The following WHAMM variants were observed in gnomAD, a reference collection of about 807,000 sequenced individuals.
WHAMM encodes WASP homolog associated with actin, golgi membranes and microtubules.
WHAMM carries 67 observed loss-of-function variants against 76.5 expected under a neutral mutation model. That is an observed-to-expected ratio of 0.88 (90% CI 0.72 to 1.07). The LOEUF (loss-of-function observed/expected upper bound fraction) is 1.07. WHAMM is among the 50% of genes least tolerant of loss of function. The pLI is 0.00. For synonymous variants in WHAMM, 419 were observed against 422.1 expected (o/e 0.99, Z 0.09); for missense variants, 1,021 against 1,051.1 (o/e 0.97, Z 0.40).
At chr15:82,823,351 A>C (rs1764985902) in intron 6 of WHAMM, 64 bp downstream of exon 6, 2 of 1,278,838 alleles carry the variant, frequency 1.6e-6, no homozygotes, top group Non-Finnish European at 2.0e-6. Flanking sequence ...TGTATGAAGG[A>C]TAAAGGTATT....
chr15:82,823,305 G>T lies in WHAMM; in HGVS notation c.1458+18G>T. ...GTAGAAAGGTAGGTACGCTCAGAGC[G>T]GCTTTCTTTTCTTTTCTCTTTCAGA... On this transcript the variant is annotated intron_variant, in intron 6 of 9. Transcript: ENST00000286760. The T allele has an allele frequency of 7.2e-7, 1 of 1,391,620 alleles. No individual in the cohort carries two copies. Among genetic ancestry groups the T allele is most frequent in the South Asian group, 2.0e-5 (1 of 50,062 alleles). The allele number at this position is 1,391,620 out of a possible 1,614,324, so 86.2% of individuals were successfully genotyped here.
Position 82,833,263 on chromosome 15 carries a change from T to C in WHAMM, c.2157T>C (p.His719=), listed in dbSNP as rs1352681286. 1.2e-6 allele frequency: 2 copies of C among 1,613,874 alleles called. No homozygotes were observed. Among genetic ancestry groups the C allele is most frequent in the African/African-American group, 2.7e-5 (2 of 74,934 alleles). ...SMDEVLASLR[H]GRAPLRKVEV... is the part of the protein sequence containing the mutation. ...ATGAAGTGTTGGCCTCCTTAAGGCA[T>C]GGCAGAGCTCCTCTCCGGAAGGTGG... is the stretch of plus-strand genomic sequence containing the variant. The change falls in exon 10 of 10, where the codon CAT becomes CAC. Residue 719 remains histidine (H), a synonymous_variant. Transcript: ENST00000286760.
rs1412316647 is a variant in WHAMM at position 82,818,088 on chromosome 15, A to G, written c.1103A>G (p.Lys368Arg). ...LNHKRAEIQGKMEDLPEQEKN... is the reference protein window; with the variant it reads ...LNHKRAEIQGRMEDLPEQEKN... ...CACAAAAGAGCTGAAATTCAGGGAA[A>G]GGTAAGACAAAGATAAACATAACTT... Residue 368 changes from lysine to arginine, a missense_variant and splice_region_variant, in exon 4 of 10, where the codon AAG becomes AGG. Lys to Arg is a conservative substitution (Grantham distance 26). Transcript: ENST00000286760. The G allele has an allele frequency of 9.7e-6, 15 of 1,541,754 alleles. No homozygotes were observed. Among genetic ancestry groups the G allele is most frequent in the Non-Finnish European group, 1.3e-5 (15 of 1,142,550 alleles).
Position 82,815,155 on chromosome 15 carries a change from A to ATATATAAATAAT in WHAMM, c.784-1537_784-1536insTATATAAATAAT, listed in dbSNP as rs55807384. Among the ~76,000 whole-genome samples, 42 of 46,134 alleles carry ATATATAAATAAT rather than the reference A, an allele frequency of 9.1e-4. 2 individuals carry two copies. The highest frequency in any genetic ancestry group is 3.5e-3 in the African/African-American group (39 of 10,996). The allele number at this position is 46,134 out of a possible 152,430, so 30.3% of individuals were successfully genotyped here. Reference sequence around the variant, plus strand: ...TATATATATATATATATATATATATAGTACAATTCAGTGATTTTTAGTATA... The same window carrying ATATATAAATAAT: ...TATATATATATATATATATATATATATATATAAATAATGTACAATTCAGTGATTTTTAGTATA... On this transcript the variant is annotated intron_variant, in intron 2 of 9. Transcript: ENST00000286760.
intron 1 of WHAMM, among the ~76,000 whole-genome samples, chr15:82,812,430 G>GT (rs891854992): frequency 2.0e-5 from 3 of 151,860 alleles, no homozygotes; most frequent in Admixed American, 6.6e-5. Context: ...GGGTTTCACC[G>GT]TGTTAGCCAG....
At chr15:82,817,080 G>A (rs1373270551) in intron 3 of WHAMM, among the ~76,000 whole-genome samples, 13 of 152,216 alleles carry the variant, frequency 8.5e-5, no homozygotes, top group Admixed American at 8.5e-4. Flanking sequence ...AGAGACATGG[G>A]CTCTGAGGGT....
chr15:82,825,129 A>T (rs1476506794), intron 6 of WHAMM, among the ~76,000 whole-genome samples: 1 of 152,192 alleles, frequency 6.6e-6, no homozygotes, highest in African/African-American at 2.4e-5. Context: ...TGTCTCTAAT[A>T]AAAAAATAAA....
At position 82,810,206 on chromosome 15, in the gene WHAMM, C is replaced by T; in HGVS notation, c.480C>T (p.Cys160=). ...ATCTGGGCGCGGCGGCCGACGGCTG[C>T]GGCGGCGCCACAGTGCGCGACGCAC... ...ERYLGAAADG[C]GGATVRDALF... Residue 160 remains cysteine, a synonymous_variant, in exon 1 of 10, where the codon TGC becomes TGT. Coordinates refer to ENST00000286760, the MANE Select transcript of WHAMM (RefSeq NM_001080435.3). The T allele has an allele frequency of 7.1e-7, 1 of 1,409,188 alleles. No homozygotes were observed. Among genetic ancestry groups the T allele is most frequent in the Non-Finnish European group, 9.3e-7 (1 of 1,078,884 alleles). The allele number at this position is 1,409,188 out of a possible 1,614,324, so 87.3% of individuals were successfully genotyped here.
In WHAMM at chr15:82,810,127, G is replaced by T; in HGVS notation, c.401G>T (p.Arg134Leu). The T allele has an allele frequency of 7.4e-7, 1 of 1,351,378 alleles. No individual in the cohort carries two copies. The highest frequency in any genetic ancestry group is 9.6e-7 in the Non-Finnish European group (1 of 1,045,222). 83.7% of individuals were successfully genotyped at this position (1,351,378 alleles called of 1,614,324 possible). The change falls in exon 1 of 10, where the codon CGC becomes CTC. Residue 134 changes from arginine (R) to leucine (L), a missense_variant. Physicochemically the swap from Arg to Leu is moderately radical, Grantham distance 102. Around this residue, in one of 3 missense-constraint regions of WHAMM, gnomAD observed 501 missense variants for 524.9 expected, o/e 0.95. Transcript: ENST00000286760. ...CTGTGGGCGCTGCTGTGGCCGACGC[G>T]CGCGGGTCCCGGCGAGGCGGCGCTG... is the stretch of plus-strand genomic sequence containing the variant. ...LGLWALLWPT[R>L]AGPGEAALQE...
At position 82,835,499 on chromosome 15, in the gene WHAMM, C is replaced by CT. The variant is rs2151579216; in HGVS notation, c.*1966dup. On this transcript the variant is annotated 3_prime_UTR_variant, in exon 10 of 10. Transcript: ENST00000286760. The stretch of plus-strand genomic sequence containing the variant: ...GCACAGCTGGGAGGGGCGTGAGTCC[C>CT]TTTCAGCAGCTGCAGCCTGGGTCTC... 6.6e-6 allele frequency: 1 copy of CT among 152,572 alleles called. No homozygotes were observed. Among genetic ancestry groups the CT allele is most frequent in the East Asian group, 1.9e-4 (1 of 5,204 alleles). The allele number at this position is 152,572 out of a possible 1,614,324, so 9.5% of individuals were successfully genotyped here.
chr15:82,820,656 A>C (rs1343902856), intron 5 of WHAMM, among the ~76,000 whole-genome samples: 1 of 152,056 alleles, frequency 6.6e-6, no homozygotes, highest in Non-Finnish European at 1.5e-5. Flanking sequence ...GCACTTTGGG[A>C]GGCTGAGTGG....
At position 82,833,423 on chromosome 15, in the gene WHAMM, C is replaced by T. The variant is rs200546799; in HGVS notation, c.2317C>T (p.Arg773Cys). 3.1e-4 allele frequency: 503 copies of T among 1,614,006 alleles called. 2 individuals are homozygous for T. The highest frequency in any genetic ancestry group is 1.1e-4 in the Non-Finnish European group (131 of 1,179,892). Residue 773 changes from arginine (R) to cysteine (C), a missense_variant, in exon 10 of 10, where the codon CGC becomes TGC. Coordinates refer to ENST00000286760, the MANE Select transcript of WHAMM (RefSeq NM_001080435.3). ...NPSSKPTSNR[R>C]TSDLERSIKA... The stretch of plus-strand genomic sequence containing the variant: ...CAGCAGCAAACCAACCAGCAACAGA[C>T]GCACCAGTGACCTTGAGAGGAGCAT...
At chr15:82,829,632 T>C (rs2050994241) in intron 8 of WHAMM, among the ~76,000 whole-genome samples, 1 of 152,090 alleles carries the variant, frequency 6.6e-6, no homozygotes, top group African/African-American at 2.4e-5. Flanking sequence ...ATAGAAATAC[T>C]CCTTGAGTTT....
chr15:82,829,297 C>T (rs1162367634), intron 8 of WHAMM, among the ~76,000 whole-genome samples: 2 of 152,082 alleles, frequency 1.3e-5, no homozygotes, highest in Non-Finnish European at 2.9e-5. Flanking sequence ...AAAGTGAGAC[C>T]CCGTCTCTAC....
At chr15:82,814,766 CTTTTTTTTT>C (rs773443880) in intron 2 of WHAMM, among the ~76,000 whole-genome samples, 4 of 94,770 alleles carry the variant, frequency 4.2e-5, no homozygotes, top group African/African-American at 1.3e-4. Flanking sequence ...TTTTTCCTTT[CTTTTTTTTT>C]TTTTTTTTTT....
At position 82,814,930 on chromosome 15, in the gene WHAMM, C is replaced by T. The variant is rs879765594; in HGVS notation, c.783+1654C>T. 1.3e-3 allele frequency among the ~76,000 whole-genome samples: 201 copies of T among 149,526 alleles called. 1 individual carries two copies. The Middle Eastern group carries it at 0.014, about 11-fold the overall frequency. ...GACTACAGGTGCCCGCCACCATGCC[C>T]GGCTAATTTTTTTGTATTTTTAGTA... On this transcript the variant is annotated intron_variant, in intron 2 of 9. Transcript: ENST00000286760.
At chr15:82,812,390 G>T (rs1311927883) in intron 1 of WHAMM, among the ~76,000 whole-genome samples, 2 of 152,136 alleles carry the variant, frequency 1.3e-5, no homozygotes, top group Non-Finnish European at 1.5e-5. Flanking sequence ...CACCACGCCC[G>T]GCTAATCTTT....
At position 82,809,749 on chromosome 15, in the gene WHAMM, G is replaced by T. The variant is rs1172538639; in HGVS notation, c.23G>T (p.Ser8Ile). The T allele has an allele frequency of 6.4e-7, 1 of 1,561,772 alleles. No homozygotes were observed. The highest frequency in any genetic ancestry group is 2.3e-5 in the East Asian group (1 of 43,414). The change falls in exon 1 of 10, where the codon AGC becomes ATC. Residue 8 changes from serine to isoleucine, a missense_variant. Transcript: ENST00000286760. MEDEQPD[S>I]LEGWVPVREG... Reference sequence around the variant, plus strand: ...GCCATGGAGGACGAGCAGCCTGACAGCCTGGAGGGCTGGGTGCCGGTCCGG... The same window carrying T: ...GCCATGGAGGACGAGCAGCCTGACATCCTGGAGGGCTGGGTGCCGGTCCGG...
chr15:82,821,492 C>T (rs1357948229), intron 5 of WHAMM, among the ~76,000 whole-genome samples: 1 of 152,128 alleles, frequency 6.6e-6, no homozygotes, highest in Non-Finnish European at 1.5e-5. Context: ...AAAACATTTT[C>T]CCTAAATGTT....
Sources: allele counts gnomAD v4.1 joint callset (sites outside exome capture counted in the v4.1 genomes callset), GRCh38; gene constraint gnomAD v4.1.1; regional missense constraint gnomAD v4.1.1; transcripts MANE v1.5; gene names NCBI Gene and HGNC (gene_info 2026-07-23, HGNC 2026-07-21).